The following EXTL3 variants were observed in gnomAD, a reference collection of about 807,000 sequenced individuals.
EXTL3 encodes exostosin like glycosyltransferase 3, also known as exostosin-like 3.
EXTL3 carries 27 observed loss-of-function variants against 69.3 expected under a neutral mutation model. The observed-to-expected ratio is 0.39, with a 90% CI of 0.29 to 0.54. The LOEUF is 0.54. Ranked by LOEUF, EXTL3 falls within the 20% of genes least tolerant of loss-of-function variation. EXTL3 has a pLI of 0.69. For synonymous variants in EXTL3, 511 were observed against 499.4 expected (o/e 1.02, Z -0.31); for missense variants, 1,003 against 1,231.8 (o/e 0.81, Z 2.78).
At chr8:28,609,778 T>C (rs572198471) in intron 2 of EXTL3, among the ~76,000 whole-genome samples, 2 of 151,552 alleles carry the variant, frequency 1.3e-5, no homozygotes, top group Non-Finnish European at 2.9e-5. Context: ...TAGTCCCAGC[T>C]ACTTGGAAGG....
At chr8:28,737,728 A>G in intron 5 of EXTL3, 65 bp downstream of exon 5, 1 of 1,525,012 alleles carries the variant, frequency 6.6e-7, no homozygotes, top group Non-Finnish European at 9.1e-7. Context: ...TGGTAGCGGA[A>G]TGCTGCCCTC....
chr8:28,722,775 A>AAAC (rs1491117684), intron 3 of EXTL3, among the ~76,000 whole-genome samples: 4 of 75,790 alleles, frequency 5.3e-5, no homozygotes, highest in Non-Finnish European at 9.3e-5. Flanking sequence ...CCCTGTCTCT[A>AAAC]AAAAAAAAAA....
intron 1 of EXTL3, among the ~76,000 whole-genome samples, chr8:28,642,248 A>T (rs1806756104): frequency 6.6e-6 from 1 of 151,644 alleles, no homozygotes; most frequent in Admixed American, 6.6e-5. Context: ...GTTCGAGACC[A>T]GCCTGGGCAA....
chr8:28,734,107 C>T (rs975206424), intron 4 of EXTL3, among the ~76,000 whole-genome samples: 7 of 151,990 alleles, frequency 4.6e-5, no homozygotes, highest in African/African-American at 9.7e-5. Flanking sequence ...CATGAGCCAC[C>T]GCACCAGGCC....
At chr8:28,686,823 G>T (rs576962106) in intron 1 of EXTL3, among the ~76,000 whole-genome samples, 2 of 152,346 alleles carry the variant, frequency 1.3e-5, no homozygotes, top group African/African-American at 4.8e-5. Context: ...AGTGCTTACT[G>T]TGTGCCAGCT....
intron 1 of EXTL3, among the ~76,000 whole-genome samples, chr8:28,654,924 AC>A (rs1434821313): frequency 6.6e-6 from 1 of 152,178 alleles, no homozygotes; most frequent in Non-Finnish European, 1.5e-5. Flanking sequence ...ATTTAGTCAA[AC>A]CTTTTGGGCT....
intron 1 of EXTL3, among the ~76,000 whole-genome samples, chr8:28,661,095 A>G (rs1807106863): frequency 6.6e-6 from 1 of 151,276 alleles, no homozygotes; most frequent in African/African-American, 2.4e-5. Context: ...TTGTATTTTT[A>G]GTAGAGACGG....
intron 6 of EXTL3, among the ~76,000 whole-genome samples, chr8:28,747,277 C>T (rs948783124): frequency 6.6e-6 from 1 of 152,114 alleles, no homozygotes; most frequent in African/African-American, 2.4e-5. Context: ...GACGTGATCC[C>T]GAAGGGTTCT....
At chr8:28,622,881 G>A (rs1426962585) in intron 1 of EXTL3, 1 of 152,224 alleles carries the variant, frequency 6.6e-6, no homozygotes, top group Non-Finnish European at 1.5e-5. Context: ...CGGGAGAAGC[G>A]GCGAGCTGCT....
chr8:28,728,503 C>G (rs1470950021), intron 3 of EXTL3, among the ~76,000 whole-genome samples: 3 of 152,204 alleles, frequency 2.0e-5, no homozygotes, highest in African/African-American at 7.2e-5. Flanking sequence ...GCTTGGACAT[C>G]TGTTAACTGT....
chr8:28,619,845 CT>C (rs56276866), upstream of EXTL3, among the ~76,000 whole-genome samples: 1 of 50,852 alleles, frequency 2.0e-5, no homozygotes, highest in Non-Finnish European at 3.8e-5. Context: ...GCTTCTGGTT[CT>C]TTTTTTTTTT....
chr8:28,618,489 C>T (rs935603325), upstream of EXTL3, among the ~76,000 whole-genome samples: 1 of 152,234 alleles, frequency 6.6e-6, no homozygotes, highest in African/African-American at 2.4e-5. Context: ...AATGAAGTCA[C>T]CCAGGGCTGG....
chr8:28,694,128 C>T (rs1175129240), intron 1 of EXTL3, among the ~76,000 whole-genome samples: 1 of 152,184 alleles, frequency 6.6e-6, no homozygotes, highest in Non-Finnish European at 1.5e-5. Flanking sequence ...TAACTGTTAT[C>T]ACCAGTTTCT....
At chr8:28,744,498 A>AAAAT (rs1801843449) in intron 6 of EXTL3, among the ~76,000 whole-genome samples, 1 of 152,092 alleles carries the variant, frequency 6.6e-6, no homozygotes, top group African/African-American at 2.4e-5. Flanking sequence ...ACTCTACTAA[A>AAAAT]AAATATACAA....
intron 1 of EXTL3, chr8:28,678,285 A>G (rs1259449177): frequency 6.6e-6 from 1 of 152,266 alleles, no homozygotes; most frequent in Admixed American, 6.5e-5. Flanking sequence ...GAGTACGCAG[A>G]GAGAAGGATG....
chr8:28,730,379 C>CT (rs1801512112), intron 3 of EXTL3, among the ~76,000 whole-genome samples: 1 of 152,104 alleles, frequency 6.6e-6, no homozygotes, highest in Non-Finnish European at 1.5e-5. Flanking sequence ...CAAAGACACT[C>CT]TAAGAATAAA....
At chr8:28,609,435 T>TA (rs572247391) in intron 2 of EXTL3, among the ~76,000 whole-genome samples, 63 of 147,466 alleles carry the variant, frequency 4.3e-4, no homozygotes, top group African/African-American at 1.5e-3. Context: ...TAAAGAAGAT[T>TA]AAAAAAAAAA....
At position 28,682,883 on chromosome 8, in the gene EXTL3, A is replaced by T. The variant is rs1440551601; in HGVS notation, c.-52-30574A>T. 2.0e-5 allele frequency among the ~76,000 whole-genome samples: 3 copies of T among 152,202 alleles called. No homozygotes were observed. The East Asian group carries it at 5.8e-4, about 29-fold the overall frequency. Reference sequence around the variant, plus strand: ...TCCTGTGTTTTCTTCTAGTAGTTTTACAGCTTCAGGTTTTGTGTTTAAGTC... The same window carrying T: ...TCCTGTGTTTTCTTCTAGTAGTTTTTCAGCTTCAGGTTTTGTGTTTAAGTC... On this transcript the variant is annotated intron_variant, in intron 1 of 6. Coordinates refer to the EXTL3 transcript ENST00000523149.
chr8:28,636,737 G>A lies in EXTL3; in HGVS notation c.-53+13927G>A, dbSNP rs535666930. ...ACTTAGTGTTATAGCAGGTTGGCGCGTGGTGGCTTACGCCTGTAACCCCAG... is the reference window on the plus strand; with the variant it reads ...ACTTAGTGTTATAGCAGGTTGGCGCATGGTGGCTTACGCCTGTAACCCCAG... On this transcript the variant is annotated intron_variant, in intron 1 of 6. Transcript: ENST00000523149. 6.6e-5 allele frequency among the ~76,000 whole-genome samples: 10 copies of A among 152,270 alleles called. No individual in the cohort carries two copies. In the East Asian group the frequency reaches 7.7e-4, roughly 12 times the overall value.
Sources: allele counts gnomAD v4.1 joint callset (sites outside exome capture counted in the v4.1 genomes callset), GRCh38; gene constraint gnomAD v4.1.1; transcripts MANE v1.5; gene names NCBI Gene and HGNC (gene_info 2026-07-23, HGNC 2026-07-21).